The following EPHB2 variants were observed in gnomAD, a reference collection of about 807,000 sequenced individuals.
EPHB2 encodes the protein ephrin type-B receptor 2.
EPHB2 carries 18 observed loss-of-function variants against 96.4 expected under a neutral mutation model. The observed-to-expected ratio is 0.19, with a 90% confidence interval of 0.13 to 0.28. The LOEUF (loss-of-function observed/expected upper bound fraction) is 0.28, where lower values mean the gene tolerates loss of function less well. Among genes scored for constraint, EPHB2 ranks in the 10% least tolerant of loss-of-function variants. The pLI is 1.00. For synonymous variants in EPHB2, 506 were observed against 534.1 expected, an observed-to-expected ratio of 0.95 and a Z score of 0.72; for missense variants, 989 against 1,355.4, an observed-to-expected ratio of 0.73 and a Z score of 4.25.
chr1:22,826,204 C>T (rs1169939199), intron 3 of EPHB2, among the ~76,000 whole-genome samples: 4 of 152,158 alleles, frequency 2.6e-5, no homozygotes, highest in Non-Finnish European at 5.9e-5. Context: ...CTACTAAGTG[C>T]GTTCAGTGTG....
At chr1:22,786,144 C>T (rs1050148139) in intron 3 of EPHB2, among the ~76,000 whole-genome samples, 2 of 152,236 alleles carry the variant, frequency 1.3e-5, no homozygotes, top group Non-Finnish European at 2.9e-5. Flanking sequence ...GGTTAAATCA[C>T]CCCTTCCACT....
At chr1:22,833,192 G>T (rs545821106) in intron 3 of EPHB2, among the ~76,000 whole-genome samples, 1 of 151,660 alleles carries the variant, frequency 6.6e-6, no homozygotes, top group African/African-American at 2.4e-5. Flanking sequence ...GTCTCGGCTC[G>T]CTGCAACCTC....
At chr1:22,729,975 G>T (rs1159567159) in intron 1 of EPHB2, among the ~76,000 whole-genome samples, 1 of 152,232 alleles carries the variant, frequency 6.6e-6, no homozygotes, top group Non-Finnish European at 1.5e-5. Flanking sequence ...GTTCTTTTGG[G>T]TGACAGTTGG....
chr1:22,725,114 A>T (rs1233002710), intron 1 of EPHB2, among the ~76,000 whole-genome samples: 2 of 151,894 alleles, frequency 1.3e-5, no homozygotes, highest in Non-Finnish European at 2.9e-5. Context: ...CATACCATGT[A>T]TAGGTTTCTC....
intron 1 of EPHB2, among the ~76,000 whole-genome samples, chr1:22,729,670 GT>G (rs1413314704): frequency 6.6e-6 from 1 of 152,170 alleles, no homozygotes; most frequent in East Asian, 1.9e-4. Flanking sequence ...CATCCTCCAT[GT>G]TTTCAAGGAA....
At chr1:22,730,593 C>T (rs1028702869) in intron 1 of EPHB2, among the ~76,000 whole-genome samples, 20 of 150,470 alleles carry the variant, frequency 1.3e-4, no homozygotes, top group African/African-American at 4.9e-4. Flanking sequence ...GAGGAGGTGA[C>T]GTTTGAGCAG....
intron 1 of EPHB2, among the ~76,000 whole-genome samples, chr1:22,723,973 T>C (rs1308006733): frequency 6.6e-6 from 1 of 152,170 alleles, no homozygotes; most frequent in Non-Finnish European, 1.5e-5. Context: ...GATGAAAAAA[T>C]TAAGGCTTAG....
chr1:22,837,399 G>A (rs1645401315), intron 3 of EPHB2, among the ~76,000 whole-genome samples: 1 of 152,094 alleles, frequency 6.6e-6, no homozygotes. Context: ...AGGATGTGAT[G>A]TTTACAGAGT....
At chr1:22,799,401 T>C (rs941412355) in intron 3 of EPHB2, among the ~76,000 whole-genome samples, 2 of 152,180 alleles carry the variant, frequency 1.3e-5, no homozygotes, top group Admixed American at 1.3e-4. Context: ...ATCTGCTACC[T>C]ATGTGGCCCT....
At chr1:22,847,197 C>T in intron 3 of EPHB2, among the ~76,000 whole-genome samples, 1 of 152,204 alleles carries the variant, frequency 6.6e-6, no homozygotes, top group Non-Finnish European at 1.5e-5. Context: ...CAAGTCTTCA[C>T]TGCAGGTAAG....
chr1:22,720,664 C>CCCCG (rs1553157970), intron 1 of EPHB2, among the ~76,000 whole-genome samples: 1 of 103,398 alleles, frequency 9.7e-6, no homozygotes, highest in East Asian at 4.5e-4. Flanking sequence ...TCTCATTCCC[C>CCCCG]CCCCCCCCCG....
At chr1:22,853,978 C>G (rs1306497671) in intron 3 of EPHB2, among the ~76,000 whole-genome samples, 2 of 152,226 alleles carry the variant, frequency 1.3e-5, no homozygotes, top group Non-Finnish European at 2.9e-5. Flanking sequence ...GGCTGGGTTC[C>G]ACAAAGCCGG....
At chr1:22,752,768 T>TACAC (rs150571893) in intron 1 of EPHB2, among the ~76,000 whole-genome samples, 1 of 151,200 alleles carries the variant, frequency 6.6e-6, no homozygotes, top group African/African-American at 2.4e-5. Flanking sequence ...TACTTACACG[T>TACAC]ACACACACAC....
At chr1:22,881,614 G>A (rs1374703694) in intron 5 of EPHB2, among the ~76,000 whole-genome samples, 2 of 147,124 alleles carry the variant, frequency 1.4e-5, no homozygotes, top group African/African-American at 2.7e-5. Flanking sequence ...CACTCTTTGC[G>A]ACAGAGTTTC....
chr1:22,879,428 A>C (rs1211828608), intron 5 of EPHB2, among the ~76,000 whole-genome samples: 1 of 152,220 alleles, frequency 6.6e-6, no homozygotes, highest in Non-Finnish European at 1.5e-5. Flanking sequence ...TGGACTTCAT[A>C]AAGAAGCTGG....
chr1:22,720,627 G>A (rs943608080), intron 1 of EPHB2, among the ~76,000 whole-genome samples: 7 of 150,942 alleles, frequency 4.6e-5, no homozygotes, highest in East Asian at 1.9e-4. Flanking sequence ...CAGGGATGGC[G>A]GTGGGGAGGC....
intron 2 of EPHB2, among the ~76,000 whole-genome samples, chr1:22,783,887 A>G (rs1644570351): frequency 6.6e-6 from 1 of 152,126 alleles, no homozygotes; most frequent in East Asian, 1.9e-4. Flanking sequence ...TGTCTTCCCC[A>G]TCATCCTAGG....
intron 1 of EPHB2, among the ~76,000 whole-genome samples, chr1:22,779,630 C>G (rs1235795685): frequency 6.6e-6 from 1 of 152,220 alleles, no homozygotes; most frequent in Non-Finnish European, 1.5e-5. Flanking sequence ...CTAATTGTTT[C>G]AAGTGACTGA....
intron 1 of EPHB2, among the ~76,000 whole-genome samples, chr1:22,767,894 T>A (rs926329608): frequency 2.6e-5 from 4 of 152,134 alleles, no homozygotes; most frequent in African/African-American, 9.7e-5. Flanking sequence ...GTGAAGATGG[T>A]GATGGGAAAT....
Sources: gnomAD v4.1 joint callset for allele counts (sites outside exome capture counted in the v4.1 genomes callset) on GRCh38, gnomAD v4.1.1 for gene constraint, MANE v1.5 for transcripts, NCBI Gene and HGNC (gene_info 2026-07-23, HGNC 2026-07-21) for gene names.